KIAA1328: variants seen among roughly 807,000 people sequenced by gnomAD.
KIAA1328 encodes protein hinderin.
In KIAA1328, 52 loss-of-function variants were observed where a neutral mutation model predicts 68.1. That is an observed-to-expected ratio of 0.76 (90% CI 0.61 to 0.96). The LOEUF is 0.96. KIAA1328 is among the 40% of genes least tolerant of loss of function. The pLI is 0.00. For synonymous variants in KIAA1328, 232 were observed against 239.4 expected (o/e 0.97, Z 0.28); for missense variants, 641 against 677.6 (o/e 0.95, Z 0.60).
intron 9 of KIAA1328, among the ~76,000 whole-genome samples, chr18:37,181,644 A>T (rs2059700509): frequency 6.6e-6 from 1 of 152,192 alleles, no homozygotes; most frequent in African/African-American, 2.4e-5. Flanking sequence ...TTCAGCTTGA[A>T]GAAGCTTGTC....
chr18:36,965,814 G>T (rs2051907302), intron 6 of KIAA1328, among the ~76,000 whole-genome samples: 1 of 150,842 alleles, frequency 6.6e-6, no homozygotes, highest in Admixed American at 6.6e-5. Context: ...TGTAATATAT[G>T]TCTTAATTCT....
chr18:37,010,125 T>C (rs747393494), intron 6 of KIAA1328, among the ~76,000 whole-genome samples: 13 of 152,166 alleles, frequency 8.5e-5, no homozygotes, highest in Non-Finnish European at 1.6e-4. Flanking sequence ...GCTACAGTAA[T>C]AAATTTGCCT....
chr18:36,842,738 T>C lies in KIAA1328; in HGVS notation c.238-1470T>C, dbSNP rs77165836. Among the ~76,000 whole-genome samples the C allele has an allele frequency of 1.1e-3, 165 of 152,044 alleles. 1 individual carries two copies. The East Asian group carries it at 0.025, about 23-fold the overall frequency. On this transcript the variant is annotated intron_variant, in intron 3 of 9. Coordinates refer to ENST00000280020, the MANE Select transcript of KIAA1328 (RefSeq NM_020776.3). Reference sequence around the variant, plus strand: ...GTTCTTTTACTCAGCACATCACTAATGAAATGTCTTTTCATGGGTTATCAG... The same window carrying C: ...GTTCTTTTACTCAGCACATCACTAACGAAATGTCTTTTCATGGGTTATCAG...
At chr18:36,871,003 C>A (rs1361407783) in intron 4 of KIAA1328, among the ~76,000 whole-genome samples, 1 of 152,200 alleles carries the variant, frequency 6.6e-6, no homozygotes, top group African/African-American at 2.4e-5. Context: ...GTGGCTGCCC[C>A]AGGTTAGCTG....
Position 36,835,338 on chromosome 18 carries a change from G to C in KIAA1328, c.199G>C (p.Glu67Gln), listed in dbSNP as rs750968172. 5.0e-6 allele frequency: 8 copies of C among 1,613,502 alleles called. No individual in the cohort carries two copies. Among genetic ancestry groups the C allele is most frequent in the South Asian group, 3.3e-5 (3 of 91,062 alleles). ...GGTGACTGATGCTTCAATCTCCATG[G>C]AGTCCTTAAAAGGCACAGGAGATTC... ...SRVTDASISM[E>Q]SLKGTGDSVD... The change falls in exon 3 of 10, where the codon GAG (glutamate) becomes CAG (glutamine). Residue 67 changes from glutamate to glutamine, a missense_variant. By Grantham distance (29) the Glu-to-Gln change is conservative (BLOSUM62 2). Coordinates refer to ENST00000280020, the MANE Select transcript of KIAA1328 (RefSeq NM_020776.3).
At chr18:36,929,661 G>A (rs1357956358) in intron 5 of KIAA1328, among the ~76,000 whole-genome samples, 2 of 152,054 alleles carry the variant, frequency 1.3e-5, no homozygotes, top group African/African-American at 2.4e-5. Flanking sequence ...ATTAGGTCTT[G>A]AGGATGGAGC....
At chr18:37,171,506 A>G (rs982167291) in intron 8 of KIAA1328, among the ~76,000 whole-genome samples, 3 of 152,140 alleles carry the variant, frequency 2.0e-5, no homozygotes, top group African/African-American at 7.2e-5. Context: ...CACTGAGCCC[A>G]TCCTCTATGT....
chr18:36,934,062 G>A (rs1568181851), intron 5 of KIAA1328, among the ~76,000 whole-genome samples: 1 of 152,208 alleles, frequency 6.6e-6, no homozygotes, highest in Admixed American at 6.5e-5. Context: ...AGATATCTAT[G>A]GGGGGTCATG....
chr18:36,943,155 CATATATT>C (rs2050772800), intron 5 of KIAA1328, among the ~76,000 whole-genome samples: 1 of 152,156 alleles, frequency 6.6e-6, no homozygotes, highest in African/African-American at 2.4e-5. Context: ...AAGGGAATGT[CATATATT>C]ATAAATAGTA....
chr18:36,901,721 T>G (rs2049045653), intron 5 of KIAA1328, among the ~76,000 whole-genome samples: 1 of 152,042 alleles, frequency 6.6e-6, no homozygotes, highest in South Asian at 2.1e-4. Context: ...AAAGATTGGG[T>G]AAAGAAGCAG....
At chr18:37,093,327 AG>A (rs1400809752) in intron 7 of KIAA1328, among the ~76,000 whole-genome samples, 1 of 152,190 alleles carries the variant, frequency 6.6e-6, no homozygotes, top group Non-Finnish European at 1.5e-5. Context: ...AATGCCAAAA[AG>A]GGAACTCAAA....
chr18:37,058,647 G>C (rs1193310852), intron 6 of KIAA1328, among the ~76,000 whole-genome samples: 1 of 152,052 alleles, frequency 6.6e-6, no homozygotes, highest in East Asian at 1.9e-4. Context: ...AGGAGGCAGA[G>C]GTTGCAGTGA....
chr18:37,079,224 G>A (rs55864934), intron 7 of KIAA1328, among the ~76,000 whole-genome samples: 1,515 of 113,388 alleles, frequency 0.013, 559 homozygotes, highest in African/African-American at 0.067. Flanking sequence ...GCAAACTATC[G>A]CAAGGACAGA....
chr18:36,885,221 A>C (rs2048457498), intron 4 of KIAA1328, among the ~76,000 whole-genome samples: 1 of 151,562 alleles, frequency 6.6e-6, no homozygotes, highest in Non-Finnish European at 1.5e-5. Context: ...TTTGGTAACA[A>C]AAAAATGAAA....
At chr18:36,848,453 T>C (rs1021154954) in intron 4 of KIAA1328, among the ~76,000 whole-genome samples, 3 of 151,092 alleles carry the variant, frequency 2.0e-5, no homozygotes, top group Admixed American at 2.0e-4. Context: ...ACAGTCGTTT[T>C]TTGGTAGAAT....
At chr18:36,995,420 G>C (rs530957875) in intron 6 of KIAA1328, among the ~76,000 whole-genome samples, 14 of 152,168 alleles carry the variant, frequency 9.2e-5, no homozygotes, top group African/African-American at 3.4e-4. Context: ...ATAAATATAC[G>C]TGTGCATCAT....
chr18:36,998,878 G>A (rs2053490480), intron 6 of KIAA1328, among the ~76,000 whole-genome samples: 1 of 152,180 alleles, frequency 6.6e-6, no homozygotes, highest in Non-Finnish European at 1.5e-5. Context: ...AAAAAGCAAG[G>A]AAATATGATA....
At chr18:37,043,280 T>C (rs932161275) in intron 6 of KIAA1328, among the ~76,000 whole-genome samples, 1 of 151,760 alleles carries the variant, frequency 6.6e-6, no homozygotes, top group East Asian at 1.9e-4. Context: ...TGGCTTTTTT[T>C]CCCCCCAAGT....
chr18:37,229,492 C>A, downstream of KIAA1328: 25 of 1,156,744 alleles, frequency 2.2e-5, no homozygotes, highest in South Asian at 3.7e-4. Context: ...ATCAACTAGT[C>A]AGAAATAGAA....
Sources: gnomAD v4.1 joint callset for allele counts (sites outside exome capture counted in the v4.1 genomes callset) on GRCh38, gnomAD v4.1.1 for gene constraint, MANE v1.5 for transcripts, NCBI Gene and HGNC (gene_info 2026-07-23, HGNC 2026-07-21) for gene names.